Variants in USH2A observed in about 807,000 individuals in gnomAD.
USH2A encodes the protein usherin, also known as Usher syndrome 2A (autosomal recessive, mild).
A neutral mutation model predicts 538.9 loss-of-function variants in USH2A; 443 were observed. The observed-to-expected ratio is 0.82, with a 90% confidence interval of 0.76 to 0.89. The LOEUF is 0.89. Among genes scored for constraint, USH2A ranks in the 40% least tolerant of loss-of-function variants. The pLI is 0.00. For synonymous variants in USH2A, 2,413 were observed against 2,273.5 expected, an observed-to-expected ratio of 1.06 and a Z score of -1.75; for missense variants, 6,633 against 6,324.8, an observed-to-expected ratio of 1.05 and a Z score of -1.65.
intron 15 of USH2A, among the ~76,000 whole-genome samples, chr1:216,209,367 C>T (rs1291126048): frequency 6.6e-6 from 1 of 152,172 alleles, no homozygotes; most frequent in Non-Finnish European, 1.5e-5. Context: ...CTGAAATCAA[C>T]TAACTGATGG....
intron 15 of USH2A, 39 bp from the exon 16 acceptor site, chr1:216,207,470 T>A (rs747403564): frequency 2.8e-5 from 45 of 1,613,166 alleles, no homozygotes; most frequent in Non-Finnish European, 3.6e-5. Context: ...AGCAAAGCAA[T>A]CAATAAACAG....
chr1:215,694,218 C>T (rs528555749), intron 61 of USH2A, among the ~76,000 whole-genome samples: 8 of 152,150 alleles, frequency 5.3e-5, no homozygotes, highest in South Asian at 2.1e-4. Context: ...ATTACAAATT[C>T]GCAACTCATA....
intron 61 of USH2A, among the ~76,000 whole-genome samples, chr1:215,681,555 T>C (rs1277130284): frequency 6.6e-6 from 1 of 152,184 alleles, no homozygotes; most frequent in African/African-American, 2.4e-5. Context: ...GAAAGTTATT[T>C]CTGAAAGTAG....
intron 61 of USH2A, among the ~76,000 whole-genome samples, chr1:215,717,866 G>A (rs1269986801): frequency 6.6e-6 from 1 of 152,192 alleles, no homozygotes; most frequent in Non-Finnish European, 1.5e-5. Flanking sequence ...ACAATGGAGT[G>A]TTTGTAGTGG....
chr1:215,916,344 A>G (rs1230080368), intron 38 of USH2A, among the ~76,000 whole-genome samples: 1 of 151,216 alleles, frequency 6.6e-6, no homozygotes, highest in African/African-American at 2.4e-5. Flanking sequence ...GCAAAAATAA[A>G]AAAAAAAATT....
In USH2A at chr1:216,222,749, C is replaced by A. The variant is rs193157698; in HGVS notation, c.2994-5199G>T. Among the ~76,000 whole-genome samples the A allele has an allele frequency of 6.8e-3, 1,031 of 152,224 alleles. 10 individuals are homozygous for A. The highest frequency in any genetic ancestry group is 0.024 in the African/African-American group (978 of 41,526). ...ATCCCAGCACTTTGGGAGGCCAAGGCGGGCAGATCACCTGAGGTTGGGAGT... is the reference window on the plus strand; with the variant it reads ...ATCCCAGCACTTTGGGAGGCCAAGGAGGGCAGATCACCTGAGGTTGGGAGT... On this transcript the variant is annotated intron_variant, in intron 14 of 71. Coordinates refer to ENST00000307340, the MANE Select transcript of USH2A (RefSeq NM_206933.4).
intron 32 of USH2A, among the ~76,000 whole-genome samples, chr1:216,043,638 T>C (rs1295946534): frequency 6.6e-6 from 1 of 152,178 alleles, no homozygotes; most frequent in Non-Finnish European, 1.5e-5. Context: ...CATGGCGTTC[T>C]TGATAATTCA....
At position 216,136,405 on chromosome 1, in the gene USH2A, C is replaced by T. The variant is rs370364063; in HGVS notation, c.4627+38847G>A. On this transcript the variant is annotated intron_variant, in intron 21 of 71. Coordinates refer to ENST00000307340, the MANE Select transcript of USH2A (RefSeq NM_206933.4). ...TCCAATTGCTTTAGTTACCATAGTG[C>T]ACCATGCTGTGTTTGCAAAATTATA... Among the ~76,000 whole-genome samples the T allele has an allele frequency of 1.3e-4, 20 of 152,120 alleles. 1 individual carries two copies. The highest frequency in any genetic ancestry group is 3.9e-4 in the Admixed American group (6 of 15,262).
At chr1:216,142,384 T>A (rs2033619418) in intron 21 of USH2A, among the ~76,000 whole-genome samples, 1 of 152,236 alleles carries the variant, frequency 6.6e-6, no homozygotes, top group African/African-American at 2.4e-5. Context: ...ATAAGTTCAA[T>A]CATGTTTCTT....
intron 14 of USH2A, among the ~76,000 whole-genome samples, chr1:216,231,028 G>C (rs200277626): frequency 1.3e-5 from 2 of 150,648 alleles, no homozygotes; most frequent in Admixed American, 6.7e-5. Flanking sequence ...ATATTAAAGA[G>C]AGTGTAACTT....
intron 3 of USH2A, among the ~76,000 whole-genome samples, chr1:216,385,695 T>C (rs920315128): frequency 6.6e-6 from 1 of 152,216 alleles, no homozygotes; most frequent in Non-Finnish European, 1.5e-5. Context: ...TTCCCTTTGA[T>C]TATTGAACTG....
chr1:215,767,291 C>T (rs1301073269), intron 55 of USH2A, among the ~76,000 whole-genome samples: 1 of 152,146 alleles, frequency 6.6e-6, no homozygotes, highest in Non-Finnish European at 1.5e-5. Context: ...CAAATCCCCC[C>T]TGAGTCTTCT....
chr1:216,083,682 G>A, intron 25 of USH2A, 96 bp from the exon 26 acceptor site: 2 of 1,228,878 alleles, frequency 1.6e-6, no homozygotes, highest in Non-Finnish European at 2.3e-6. Context: ...GTCTGCCACT[G>A]AGTAAATCTC....
chr1:215,836,477 TA>T lies in USH2A; in HGVS notation c.9371+1513del, dbSNP rs1558119776. ...TGTGTATATATATTATATATATATA[TA>T]TAATATATATTATATATATAATATA... On this transcript the variant is annotated intron_variant, in intron 47 of 71. Transcript: ENST00000307340. Among the ~76,000 whole-genome samples, 4 of 8,402 alleles carry T rather than the reference TA, an allele frequency of 4.8e-4. 1 individual carries two copies. The East Asian group carries it at 0.026, about 55-fold the overall frequency. The allele number at this position is 8,402 out of a possible 152,430, so 5.5% of individuals were successfully genotyped here.
intron 15 of USH2A, 56 bp downstream of exon 15, chr1:216,217,331 G>A: frequency 6.2e-7 from 1 of 1,601,056 alleles, no homozygotes; most frequent in Non-Finnish European, 8.5e-7. Context: ...ACAATGAGAT[G>A]CAGTCCCCTG....
In USH2A at chr1:215,674,798, T is replaced by C. The variant is rs773670510; in HGVS notation, c.13113A>G (p.Gln4371=). Residue 4371 remains glutamine, a synonymous_variant, in exon 63 of 72, where the codon CAA becomes CAG. Transcript: ENST00000307340. ...PPDLWAVSAT[Q]MNVCWSPPTV... is the part of the protein sequence containing the mutation. Reference sequence around the variant, plus strand: ...TGGGCGGTGACCAACATACATTCATTTGAGTGGCACTGACGGCCCAAAGAT... The same window carrying C: ...TGGGCGGTGACCAACATACATTCATCTGAGTGGCACTGACGGCCCAAAGAT... The C allele has an allele frequency of 3.2e-5, 52 of 1,614,006 alleles. No individual in the cohort carries two copies. The highest frequency in any genetic ancestry group is 4.2e-5 in the Non-Finnish European group (49 of 1,180,022).
chr1:216,411,081 AT>A (rs2039481824), intron 3 of USH2A, among the ~76,000 whole-genome samples: 1 of 151,442 alleles, frequency 6.6e-6, no homozygotes, highest in African/African-American at 2.4e-5. Context: ...ATAGAGTTCC[AT>A]TTAAAAAAAA....
chr1:215,921,342 T>G (rs1002682738), intron 38 of USH2A, among the ~76,000 whole-genome samples: 1 of 152,040 alleles, frequency 6.6e-6, no homozygotes, highest in Non-Finnish European at 1.5e-5. Context: ...CACATAATAT[T>G]GCTTCTGCTT....
intron 49 of USH2A, among the ~76,000 whole-genome samples, chr1:215,805,175 C>A (rs1361470959): frequency 6.6e-6 from 1 of 151,846 alleles, no homozygotes. Context: ...AGGAGATATA[C>A]CTAATGTTAA....
Sources: gnomAD v4.1 joint callset for allele counts (sites outside exome capture counted in the v4.1 genomes callset) on GRCh38, gnomAD v4.1.1 for gene constraint, MANE v1.5 for transcripts, NCBI Gene and HGNC (gene_info 2026-07-23, HGNC 2026-07-21) for gene names.